Variants in OBI1 observed in about 807,000 individuals in gnomAD.
OBI1 encodes ORC ubiquitin ligase 1.
OBI1 carries 59 observed loss-of-function variants against 62.4 expected under a neutral mutation model. That is an observed-to-expected ratio of 0.95 (90% confidence interval 0.77 to 1.17). OBI1 has a LOEUF of 1.17. Among genes scored for constraint, OBI1 ranks in the 50% most tolerant of loss-of-function variants. OBI1 has a pLI of 0.00. For missense variants in OBI1, 875 were observed against 830.9 expected (o/e 1.05, Z -0.65); for synonymous variants, 302 against 292.8 (o/e 1.03, Z -0.32).
chr13:78,658,740 T>C (rs775771532), intron 1 of OBI1, among the ~76,000 whole-genome samples: 1 of 152,178 alleles, frequency 6.6e-6, no homozygotes, highest in Non-Finnish European at 1.5e-5. Context: ...GCGTTTCTGA[T>C]GGGGCCTCCT....
At chr13:78,632,404 C>T (rs536852198) in intron 5 of OBI1, among the ~76,000 whole-genome samples, 30 of 152,250 alleles carry the variant, frequency 2.0e-4, no homozygotes, top group Non-Finnish European at 3.7e-4. Context: ...AATACACCTT[C>T]CTAATATTTT....
intron 1 of OBI1, among the ~76,000 whole-genome samples, chr13:78,656,792 A>ATTTTTTTTTTTTTT (rs869148028): frequency 1.5e-5 from 1 of 67,196 alleles, no homozygotes; most frequent in Non-Finnish European, 2.7e-5. Context: ...TTTATTTTTA[A>ATTTTTTTTTTTTTT]TTTTTTTTTT....
At chr13:78,619,336 T>C (rs908271486) in intron 5 of OBI1, among the ~76,000 whole-genome samples, 12 of 151,902 alleles carry the variant, frequency 7.9e-5, no homozygotes, top group Admixed American at 7.9e-4. Flanking sequence ...TATATTTTTT[T>C]TTTTTAGAAA....
At chr13:78,641,905 G>A (rs1043323795) in intron 3 of OBI1, among the ~76,000 whole-genome samples, 2 of 149,560 alleles carry the variant, frequency 1.3e-5, no homozygotes, top group African/African-American at 4.9e-5. Context: ...CCCATTCCTT[G>A]GTACTTAAAG....
chr13:78,644,807 T>C (rs1876332468), intron 2 of OBI1, 55 bp downstream of exon 2: 3 of 1,555,160 alleles, frequency 1.9e-6, no homozygotes, highest in South Asian at 1.1e-5. Context: ...GAAATATAAA[T>C]TATTTGGAGA....
intron 5 of OBI1, among the ~76,000 whole-genome samples, chr13:78,628,086 A>C (rs1398772037): frequency 6.6e-6 from 1 of 152,224 alleles, no homozygotes; most frequent in African/African-American, 2.4e-5. Flanking sequence ...AGACAGTGAT[A>C]ATGGCTGTGA....
At chr13:78,655,562 G>A (rs916195848) in intron 1 of OBI1, among the ~76,000 whole-genome samples, 7 of 152,092 alleles carry the variant, frequency 4.6e-5, no homozygotes, top group Non-Finnish European at 8.8e-5. Flanking sequence ...GCATTAACAG[G>A]TGAATACCTG....
intron 5 of OBI1, among the ~76,000 whole-genome samples, chr13:78,626,448 C>T (rs1418029644): frequency 2.0e-5 from 3 of 152,138 alleles, no homozygotes; most frequent in Non-Finnish European, 4.4e-5. Context: ...AAATGATCAA[C>T]ATACAACACG....
Position 78,616,809 on chromosome 13 carries a change from T to G in OBI1, c.952A>C (p.Ser318Arg). 3 of 1,614,240 alleles carry G rather than the reference T, an allele frequency of 1.9e-6. No homozygotes were observed. Among genetic ancestry groups the G allele is most frequent in the Non-Finnish European group, 2.5e-6 (3 of 1,180,024 alleles). The change falls in exon 6 of 6, where the codon AGC (serine) becomes CGC (arginine). Residue 318 changes from serine to arginine, a missense_variant. Coordinates refer to ENST00000282003, the MANE Select transcript of OBI1 (RefSeq NM_024546.4). ...SSSHLAKPSSSRLCDTSSARQ... is the reference protein window; with the variant it reads ...SSSHLAKPSSRRLCDTSSARQ... ...GCAGAACTGGTGTCACACAGTCTGC[T>G]GCTGGAAGGCTTCGCTAGGTGAGAA...
chr13:78,640,172 A>G (rs1242990372), intron 3 of OBI1, among the ~76,000 whole-genome samples: 2 of 151,808 alleles, frequency 1.3e-5, no homozygotes, highest in Non-Finnish European at 2.9e-5. Context: ...ATTTGAAAGT[A>G]CATTGAGGGG....
At position 78,616,560 on chromosome 13, in the gene OBI1, T is replaced by G; in HGVS notation, c.1201A>C (p.Ser401Arg). Residue 401 changes from serine to arginine, a missense_variant, in exon 6 of 6, where the codon AGT (serine) becomes CGT (arginine). Physicochemically the swap from Ser to Arg is moderately radical, Grantham distance 110. Transcript: ENST00000282003. ...GAGCTCTCTCTATTTTCTGGAGTAC[T>G]GAGCTGAAGGCAACTAAGGGACAAA... is the stretch of plus-strand genomic sequence containing the variant. Reference protein sequence around the residue: ...TPLSLSCLQLSTPENRESSVV... With the variant: ...TPLSLSCLQLRTPENRESSVV... 3 of 1,614,118 alleles carry G rather than the reference T, an allele frequency of 1.9e-6. No individual in the cohort carries two copies. The highest frequency in any genetic ancestry group is 2.5e-6 in the Non-Finnish European group (3 of 1,180,006).
intron 5 of OBI1, among the ~76,000 whole-genome samples, chr13:78,619,783 C>T (rs948868164): frequency 9.2e-5 from 14 of 152,136 alleles, no homozygotes; most frequent in Non-Finnish European, 1.9e-4. Context: ...TCCTGGTATA[C>T]GGCACTTGCC....
rs557083280 is a variant in OBI1, at chr13:78,615,330, A to G, written c.*250T>C. ...AAAACCAACCAACCAACCAACCCCA[A>G]AACACAAAAATAACCTCCTCCCTAA... is the stretch of plus-strand genomic sequence containing the variant. On this transcript the variant is annotated 3_prime_UTR_variant, in exon 6 of 6. Coordinates refer to ENST00000282003, the MANE Select transcript of OBI1 (RefSeq NM_024546.4). 8.6e-5 allele frequency: 29 copies of G among 337,886 alleles called. No homozygotes were observed. In the South Asian group the frequency reaches 3.0e-3, roughly 35 times the overall value. 20.9% of individuals were successfully genotyped at this position (337,886 alleles called of 1,614,324 possible).
chr13:78,627,855 A>G (rs1231448694), intron 5 of OBI1, among the ~76,000 whole-genome samples: 1 of 152,162 alleles, frequency 6.6e-6, no homozygotes, highest in Non-Finnish European at 1.5e-5. Flanking sequence ...CCCTCATTTT[A>G]TGTTAAAAAA....
intron 2 of OBI1, among the ~76,000 whole-genome samples, chr13:78,642,924 T>C (rs903527437): frequency 7.9e-5 from 12 of 152,162 alleles, no homozygotes; most frequent in African/African-American, 2.7e-4. Context: ...TACCTATGTA[T>C]ATAGATTAAT....
Position 78,616,881 on chromosome 13 carries a change from G to C in OBI1, c.880C>G (p.Gln294Glu), listed in dbSNP as rs1320487065. 1 of 1,614,064 alleles carries C rather than the reference G, an allele frequency of 6.2e-7. No homozygotes were observed. Among genetic ancestry groups the C allele is most frequent in the East Asian group, 2.2e-5 (1 of 44,890 alleles). The change falls in exon 6 of 6, where the codon CAA (glutamine) becomes GAA (glutamate). Residue 294 changes from glutamine (Q) to glutamate (E), a missense_variant. Transcript: ENST00000282003. ...GGCTGCTTTCTGGCACTATCGCCTTGATTCTTTGACACCACATCCTCCTCA... is the reference window on the plus strand; with the variant it reads ...GGCTGCTTTCTGGCACTATCGCCTTCATTCTTTGACACCACATCCTCCTCA... ...GSEEDVVSKN[Q>E]GDSARKQPGS...
intron 2 of OBI1, among the ~76,000 whole-genome samples, chr13:78,643,416 G>A (rs919606706): frequency 1.1e-4 from 17 of 152,126 alleles, no homozygotes; most frequent in African/African-American, 4.1e-4. Context: ...CTCTGATTGC[G>A]CCTTCAGATC....
intron 5 of OBI1, among the ~76,000 whole-genome samples, chr13:78,628,682 A>G (rs1875756034): frequency 6.6e-6 from 1 of 152,168 alleles, no homozygotes; most frequent in Non-Finnish European, 1.5e-5. Flanking sequence ...GATTTAAATA[A>G]TTTTATATGT....
At position 78,627,957 on chromosome 13, in the gene OBI1, G is replaced by T. The variant is rs188938280; in HGVS notation, c.638+7153C>A. Among the ~76,000 whole-genome samples the T allele has an allele frequency of 5.1e-4, 77 of 152,212 alleles. 3 individuals carry two copies. The highest frequency in any genetic ancestry group is 1.8e-3 in the African/African-American group (76 of 41,544). ...TATCAGGTATCTTCAGATACTGGGGGCTTTGGAAATGAAGGGGATAGGCAG... is the reference window on the plus strand; with the variant it reads ...TATCAGGTATCTTCAGATACTGGGGTCTTTGGAAATGAAGGGGATAGGCAG... On this transcript the variant is annotated intron_variant, in intron 5 of 5. Coordinates refer to ENST00000282003, the MANE Select transcript of OBI1 (RefSeq NM_024546.4).
Sources: allele counts gnomAD v4.1 joint callset (sites outside exome capture counted in the v4.1 genomes callset), GRCh38; gene constraint gnomAD v4.1.1; transcripts MANE v1.5; gene names NCBI Gene and HGNC (gene_info 2026-07-23, HGNC 2026-07-21).